CHRM3: variants seen among roughly 807,000 people sequenced by gnomAD.
CHRM3 encodes cholinergic receptor muscarinic 3.
A neutral mutation model predicts 41.8 loss-of-function variants in CHRM3; 11 were observed. The observed-to-expected ratio is 0.26, with a 90% CI of 0.17 to 0.44. CHRM3 has a LOEUF of 0.44. Among genes scored for constraint, CHRM3 ranks in the 20% least tolerant of loss-of-function variants. The pLI is 1.00. For missense variants in CHRM3, 571 were observed against 745.4 expected, an observed-to-expected ratio of 0.77 and a Z score of 2.72; for synonymous variants, 297 against 301.4, an observed-to-expected ratio of 0.99 and a Z score of 0.15.
At chr1:239,798,786 T>C (rs2148906531) in intron 5 of CHRM3, among the ~76,000 whole-genome samples, 1 of 152,248 alleles carries the variant, frequency 6.6e-6, no homozygotes, top group East Asian at 1.9e-4. Context: ...GGCACTCAGC[T>C]TGGGAGATGG....
intron 3 of CHRM3, among the ~76,000 whole-genome samples, chr1:239,557,500 G>A (rs1391471861): frequency 6.6e-6 from 1 of 152,066 alleles, no homozygotes; most frequent in Non-Finnish European, 1.5e-5. Context: ...TAAGTTTCAG[G>A]GTACATGTGC....
At chr1:239,568,298 T>C (rs1238677554) in intron 3 of CHRM3, among the ~76,000 whole-genome samples, 2 of 152,158 alleles carry the variant, frequency 1.3e-5, no homozygotes, top group East Asian at 1.9e-4. Context: ...TGGGAAATAA[T>C]TGAATCATGG....
At chr1:239,451,354 A>G (rs138798704) in intron 1 of CHRM3, among the ~76,000 whole-genome samples, 1 of 152,370 alleles carries the variant, frequency 6.6e-6, no homozygotes, top group East Asian at 1.9e-4. Flanking sequence ...ACCAAGCGTT[A>G]TTGCCAAGAA....
At chr1:239,631,475 A>T (rs1185137485) in intron 3 of CHRM3, among the ~76,000 whole-genome samples, 1 of 152,168 alleles carries the variant, frequency 6.6e-6, no homozygotes, top group African/African-American at 2.4e-5. Context: ...TTATCAGGAG[A>T]TCTCATCCTC....
chr1:239,689,773 T>G lies in CHRM3; in HGVS notation c.-147+11485T>G, dbSNP rs138804187. Among the ~76,000 whole-genome samples the G allele has an allele frequency of 3.1e-3, 470 of 152,250 alleles. 3 individuals are homozygous for G. The highest frequency in any genetic ancestry group is 0.011 in the African/African-American group (452 of 41,548). ...GAGGTTATATTCTGGTAGAGGAAGG[T>G]GTAAAGTACTAGGATACACATGTAG... On this transcript the variant is annotated intron_variant, in intron 5 of 6. Coordinates refer to ENST00000676153, the MANE Select transcript of CHRM3 (RefSeq NM_001375978.1).
intron 3 of CHRM3, among the ~76,000 whole-genome samples, chr1:239,610,600 G>A (rs553597372): frequency 6.6e-6 from 1 of 152,264 alleles, no homozygotes; most frequent in African/African-American, 2.4e-5. Context: ...CAGCTTGTGT[G>A]TATTGTGATC....
chr1:239,698,397 A>G (rs150218928), intron 5 of CHRM3, among the ~76,000 whole-genome samples: 169 of 152,322 alleles, frequency 1.1e-3, no homozygotes, highest in Non-Finnish European at 2.1e-3. Context: ...TAGATGCTGC[A>G]GGAATTTGAT....
intron 5 of CHRM3, among the ~76,000 whole-genome samples, chr1:239,825,766 G>A (rs897209124): frequency 6.6e-6 from 1 of 152,074 alleles, no homozygotes; most frequent in African/African-American, 2.4e-5. Flanking sequence ...CCAGGATGGA[G>A]TGCAGTGGTG....
At chr1:239,660,653 CAG>C (rs200997351) in intron 4 of CHRM3, among the ~76,000 whole-genome samples, 1,866 of 152,142 alleles carry the variant, frequency 0.012, 17 homozygotes, top group Non-Finnish European at 0.018. Context: ...GAGGCTGAGA[CAG>C]GGGGATCACT....
chr1:239,582,990 A>G (rs954447709), intron 3 of CHRM3, among the ~76,000 whole-genome samples: 7 of 152,022 alleles, frequency 4.6e-5, no homozygotes, highest in Admixed American at 2.0e-4. Context: ...GCTCCTCTCA[A>G]TTACTTGGAT....
At chr1:239,900,979 G>T (rs541624592) in intron 6 of CHRM3, among the ~76,000 whole-genome samples, 2 of 152,094 alleles carry the variant, frequency 1.3e-5, no homozygotes, top group Admixed American at 1.3e-4. Flanking sequence ...CCCTGTTCAG[G>T]GTCTCAACAC....
intron 2 of CHRM3, among the ~76,000 whole-genome samples, chr1:239,514,199 A>G (rs933523614): frequency 8.5e-5 from 13 of 152,124 alleles, no homozygotes; most frequent in African/African-American, 3.1e-4. Flanking sequence ...TTGGCATTGC[A>G]TTGAATCAAT....
intron 2 of CHRM3, among the ~76,000 whole-genome samples, chr1:239,512,281 G>C (rs1453057491): frequency 6.6e-6 from 1 of 152,204 alleles, no homozygotes; most frequent in Non-Finnish European, 1.5e-5. Context: ...AGCAGTCAGA[G>C]GAGAGTGGTC....
At chr1:239,611,696 G>A (rs1667086685) in intron 3 of CHRM3, among the ~76,000 whole-genome samples, 1 of 152,126 alleles carries the variant, frequency 6.6e-6, no homozygotes, top group Non-Finnish European at 1.5e-5. Context: ...TGGGATTACA[G>A]GCATGAGCCA....
At chr1:239,453,280 C>A (rs189955601) in intron 1 of CHRM3, among the ~76,000 whole-genome samples, 369 of 152,286 alleles carry the variant, frequency 2.4e-3, no homozygotes, top group African/African-American at 8.4e-3. Flanking sequence ...TTAAAGTAGT[C>A]ATCTTTTATT....
chr1:239,848,798 T>C (rs1239435683), intron 6 of CHRM3, among the ~76,000 whole-genome samples: 1 of 152,200 alleles, frequency 6.6e-6, no homozygotes, highest in African/African-American at 2.4e-5. Flanking sequence ...GTCATATTTA[T>C]TATCAAGAAT....
intron 5 of CHRM3, among the ~76,000 whole-genome samples, chr1:239,740,631 CCT>C (rs1229544599): frequency 6.6e-6 from 1 of 152,084 alleles, no homozygotes; most frequent in Non-Finnish European, 1.5e-5. Flanking sequence ...CCCCTCACCC[CCT>C]GACAGGCCCA....
chr1:239,848,662 C>T (rs1674467863), intron 6 of CHRM3, among the ~76,000 whole-genome samples: 1 of 152,034 alleles, frequency 6.6e-6, no homozygotes, highest in African/African-American at 2.4e-5. Flanking sequence ...TTTCTGCATC[C>T]CTATGGTGTA....
At chr1:239,629,175 C>G (rs1277163854) in intron 3 of CHRM3, 2 of 144,496 alleles carry the variant, frequency 1.4e-5, no homozygotes, top group East Asian at 4.2e-4. Flanking sequence ...GTAGGACCCT[C>G]CGAGCCAGGT....
Sources: allele counts gnomAD v4.1 joint callset (sites outside exome capture counted in the v4.1 genomes callset), GRCh38; gene constraint gnomAD v4.1.1; transcripts MANE v1.5; gene names NCBI Gene and HGNC (gene_info 2026-07-23, HGNC 2026-07-21).